PARVB: variants seen among roughly 807,000 people sequenced by gnomAD.
PARVB encodes the protein parvin beta.
In PARVB, 46 loss-of-function variants were observed where a neutral mutation model predicts 47.0. The observed-to-expected ratio is 0.98, with a 90% CI of 0.77 to 1.25. The LOEUF (loss-of-function observed/expected upper bound fraction) is 1.25, where lower values mean the gene tolerates loss of function less well. PARVB is among the 50% of genes most tolerant of loss of function. The pLI is 0.00. For synonymous variants in PARVB, 196 were observed against 196.3 expected, an observed-to-expected ratio of 1.00 and a Z score of 0.01; for missense variants, 473 against 471.6, an observed-to-expected ratio of 1.00 and a Z score of -0.03.
Position 44,172,933 on chromosome 22 carries a change from G to A in PARVB, c.*4255G>A, listed in dbSNP as rs754584939. The A allele has an allele frequency of 1.6e-4, 199 of 1,248,794 alleles. No individual in the cohort carries two copies. The highest frequency in any genetic ancestry group is 7.9e-4 in the African/African-American group (51 of 64,768). 77.4% of individuals were successfully genotyped at this position (1,248,794 alleles called of 1,614,324 possible). On this transcript the variant is annotated 3_prime_UTR_variant, in exon 13 of 13. Transcript: ENST00000338758. ...TGTTATTTATTCCAATAAAGACCTC[G>A]TGAGCATGGGCCTGTCCACCGTCTT...
At chr22:44,069,275 G>A (rs1426721276) in intron 1 of PARVB, 4 of 953,964 alleles carry the variant, frequency 4.2e-6, no homozygotes, top group Non-Finnish European at 6.7e-6. Context: ...ACCCTGGGTG[G>A]CTGCTTGACT....
chr22:44,161,619 G>A (rs1301181382), intron 11 of PARVB, among the ~76,000 whole-genome samples: 2 of 152,128 alleles, frequency 1.3e-5, no homozygotes, highest in Admixed American at 6.6e-5. Flanking sequence ...GCTGCCCCAT[G>A]CCTTTTTAGG....
Position 44,168,737 on chromosome 22 carries a change from G to A in PARVB, c.*59G>A, listed in dbSNP as rs1289441258. The A allele has an allele frequency of 2.5e-6, 3 of 1,214,210 alleles. No homozygotes were observed. In the African/African-American group the frequency reaches 4.5e-5, roughly 18 times the overall value. The allele number at this position is 1,214,210 out of a possible 1,614,324, so 75.2% of individuals were successfully genotyped here. On this transcript the variant is annotated 3_prime_UTR_variant, in exon 13 of 13. Coordinates refer to ENST00000338758, the MANE Select transcript of PARVB (RefSeq NM_013327.5). ...AGCAAGAAAGGCGGCATCCGTCTGT[G>A]CCCTGTGCCTTTCCAGGGAGCCAGG...
chr22:44,097,280 C>T (rs956660834), intron 2 of PARVB, among the ~76,000 whole-genome samples: 23 of 152,224 alleles, frequency 1.5e-4, no homozygotes, highest in African/African-American at 4.6e-4. Flanking sequence ...CCTGGCCACC[C>T]GAAGACCTAC....
chr22:44,094,285 T>G (rs545798035), intron 2 of PARVB, among the ~76,000 whole-genome samples: 31 of 152,340 alleles, frequency 2.0e-4, no homozygotes, highest in African/African-American at 7.5e-4. Flanking sequence ...GAAGACTGAC[T>G]TGAAAAGATA....
Position 44,155,046 on chromosome 22 carries a change from GTGTGTGTGTGTGGTTTTT to G in PARVB, c.844-2935_844-2918del. ...TTTGTAGTCTGTGTGGTGTGTGTGT[GTGTGTGTGTGTGGTTTTT>G]GTAGTCTGTGTGGTGTGTGTGTGGT... On this transcript the variant is annotated intron_variant, in intron 10 of 12. Transcript: ENST00000338758. The surrounding 1 kb of genome is among the most constrained non-coding windows in gnomAD (Gnocchi z 4.8). 8.7e-6 allele frequency among the ~76,000 whole-genome samples: 1 copy of G among 114,892 alleles called. No individual in the cohort carries two copies. Among genetic ancestry groups the G allele is most frequent in the Non-Finnish European group, 1.7e-5 (1 of 60,226 alleles). 75.4% of individuals were successfully genotyped at this position (114,892 alleles called of 152,430 possible).
intron 3 of PARVB, chr22:44,110,544 T>C (rs568561890): frequency 6.6e-6 from 1 of 152,286 alleles, no homozygotes; most frequent in East Asian, 1.9e-4. Flanking sequence ...CTTTTTCAGA[T>C]TGTTTTGGCA....
chr22:44,136,445 T>C lies in PARVB; in HGVS notation c.634-15T>C. On this transcript the variant is annotated splice_polypyrimidine_tract_variant and intron_variant, in intron 6 of 12. Transcript: ENST00000338758. ...TCCACTGCCTGATTTTGTATGTTTATTTTGGGGTTTTCAGAAACGGGAAGG... is the reference window on the plus strand; with the variant it reads ...TCCACTGCCTGATTTTGTATGTTTACTTTGGGGTTTTCAGAAACGGGAAGG... The C allele has an allele frequency of 2.5e-6, 4 of 1,613,166 alleles. No individual in the cohort carries two copies. Among genetic ancestry groups the C allele is most frequent in the Non-Finnish European group, 3.4e-6 (4 of 1,179,146 alleles).
At chr22:44,167,374 G>T (rs1214867402) in intron 12 of PARVB, among the ~76,000 whole-genome samples, 5 of 152,184 alleles carry the variant, frequency 3.3e-5, no homozygotes, top group Non-Finnish European at 7.4e-5. Flanking sequence ...TCTGGCAGGG[G>T]TGTGAGGGTT....
intron 1 of PARVB, among the ~76,000 whole-genome samples, chr22:44,044,437 G>A (rs978053849): frequency 1.4e-4 from 21 of 151,946 alleles, no homozygotes; most frequent in African/African-American, 4.6e-4. Flanking sequence ...TGATCCGCCC[G>A]CCTAGGCCTC....
chr22:44,043,439 T>C (rs1228051779), intron 1 of PARVB, among the ~76,000 whole-genome samples: 4 of 152,220 alleles, frequency 2.6e-5, no homozygotes, highest in Non-Finnish European at 2.9e-5. Context: ...AGTGCAGTGG[T>C]GCGATCTCAG....
rs569352894 is a variant in PARVB at position 44,097,298 on chromosome 22, G to A, written c.203-2755G>A. On this transcript the variant is annotated intron_variant, in intron 2 of 12. Transcript: ENST00000338758. ...GGCCACCCGAAGACCTACCAAATGG[G>A]AGTATGCGGGCCCAGGCCCCTCTGC... Among the ~76,000 whole-genome samples, 13 of 152,316 alleles carry A rather than the reference G, an allele frequency of 8.5e-5. 1 individual carries two copies. The East Asian group carries it at 1.9e-3, about 23-fold the overall frequency.
intron 2 of PARVB, among the ~76,000 whole-genome samples, chr22:44,003,465 G>A (rs182532135): frequency 1.3e-5 from 2 of 152,264 alleles, no homozygotes; most frequent in Admixed American, 6.5e-5. Context: ...TTCCTGGGAT[G>A]TTCTGTATCT....
At chr22:44,070,858 G>T (rs1181647044) in intron 1 of PARVB, among the ~76,000 whole-genome samples, 1 of 152,108 alleles carries the variant, frequency 6.6e-6, no homozygotes, top group East Asian at 1.9e-4. Flanking sequence ...TCTAACCAAG[G>T]TACCAGATTC....
chr22:44,017,701 C>T, intron 2 of PARVB, among the ~76,000 whole-genome samples: 1 of 152,164 alleles, frequency 6.6e-6, no homozygotes, highest in East Asian at 1.9e-4. Context: ...CTCACCAGAC[C>T]CCCCACAGAT....
chr22:44,060,220 G>A (rs867707425), intron 1 of PARVB, among the ~76,000 whole-genome samples: 1 of 152,084 alleles, frequency 6.6e-6, no homozygotes, highest in Non-Finnish European at 1.5e-5. Flanking sequence ...GGAGGCTGAG[G>A]CAGGAGAATC....
intron 1 of PARVB, chr22:44,086,936 C>G: frequency 1.7e-6 from 1 of 586,828 alleles, no homozygotes; most frequent in Non-Finnish European, 2.1e-6. Flanking sequence ...CGAAGGATCC[C>G]GATGCCCCCT....
intron 8 of PARVB, chr22:44,142,490 G>A (rs2284157): frequency 0.072 from 10,910 of 151,648 alleles, 641 homozygotes; most frequent in South Asian, 0.26. Flanking sequence ...TGTTTGGTTC[G>A]GGCCTTGTTG....
intron 3 of PARVB, chr22:44,110,507 G>C (rs1383545561): frequency 6.6e-6 from 1 of 152,290 alleles, no homozygotes; most frequent in East Asian, 1.9e-4. Context: ...TGAAACAGTG[G>C]AGTGTGGGTC....
Sources: allele counts gnomAD v4.1 joint callset (sites outside exome capture counted in the v4.1 genomes callset), GRCh38; gene constraint gnomAD v4.1.1; non-coding constraint Gnocchi (gnomAD v3.1); transcripts MANE v1.5; gene names NCBI Gene and HGNC (gene_info 2026-07-23, HGNC 2026-07-21).